TMEM132C: variants seen among roughly 807,000 people sequenced by gnomAD.
TMEM132C encodes the protein transmembrane protein 132C, also known as protein phosphatase 1, regulatory subunit 152.
TMEM132C carries 29 observed loss-of-function variants against 61.4 expected under a neutral mutation model. That is an observed-to-expected ratio of 0.47 (90% CI 0.35 to 0.64). TMEM132C has a LOEUF of 0.64. TMEM132C is among the 30% of genes least tolerant of loss of function. The pLI, the probability that TMEM132C is intolerant of heterozygous loss-of-function variation, is 0.00. For missense variants in TMEM132C, 1,408 were observed against 1,476.9 expected (o/e 0.95, Z 0.76); for synonymous variants, 656 against 633.1 (o/e 1.04, Z -0.54).
chr12:128,677,619 G>A (rs1200490201), intron 5 of TMEM132C, among the ~76,000 whole-genome samples: 2 of 152,094 alleles, frequency 1.3e-5, no homozygotes, highest in Non-Finnish European at 2.9e-5. Context: ...TAATGACACT[G>A]ACACACAATA....
intron 2 of TMEM132C, among the ~76,000 whole-genome samples, chr12:128,528,424 G>A (rs114489138): frequency 0.013 from 1,905 of 152,310 alleles, 39 homozygotes; most frequent in African/African-American, 0.043. Context: ...GGCTCACAGC[G>A]TCATAATCTC....
chr12:128,464,002 C>T (rs1049374557), intron 2 of TMEM132C, among the ~76,000 whole-genome samples: 1 of 152,176 alleles, frequency 6.6e-6, no homozygotes, highest in Non-Finnish European at 1.5e-5. Flanking sequence ...GCAGCTGGCC[C>T]TCCCCTAAAT....
chr12:128,327,389 TG>T (rs1872555460), intron 1 of TMEM132C, among the ~76,000 whole-genome samples: 4 of 149,032 alleles, frequency 2.7e-5, no homozygotes, highest in African/African-American at 1.0e-4. Context: ...TTTGTTTGTT[TG>T]TTTGTTTTTT....
At chr12:128,411,764 A>G (rs1291575295) in intron 1 of TMEM132C, among the ~76,000 whole-genome samples, 2 of 152,212 alleles carry the variant, frequency 1.3e-5, no homozygotes, top group South Asian at 2.1e-4. Flanking sequence ...ACATGCACAC[A>G]TACATATGTG....
At chr12:128,362,892 C>T (rs1873750264) in intron 1 of TMEM132C, among the ~76,000 whole-genome samples, 1 of 152,182 alleles carries the variant, frequency 6.6e-6, no homozygotes, top group African/African-American at 2.4e-5. Context: ...CACAAAGCCT[C>T]TGAAAATATG....
intron 4 of TMEM132C, among the ~76,000 whole-genome samples, chr12:128,669,183 A>G (rs1954505843): frequency 6.6e-6 from 1 of 152,206 alleles, no homozygotes; most frequent in Admixed American, 6.5e-5. Context: ...GTTGTTGAAA[A>G]CTAGAAATAT....
intron 3 of TMEM132C, among the ~76,000 whole-genome samples, chr12:128,614,159 A>G (rs754676693): frequency 6.6e-6 from 1 of 152,170 alleles, no homozygotes; most frequent in African/African-American, 2.4e-5. Flanking sequence ...TAGCGGTTCT[A>G]TTGATCAACA....
chr12:128,462,696 T>C (rs1870578520), intron 2 of TMEM132C, among the ~76,000 whole-genome samples: 1 of 152,050 alleles, frequency 6.6e-6, no homozygotes, highest in Non-Finnish European at 1.5e-5. Flanking sequence ...AGTCCCTAAA[T>C]CAGTAGTAGG....
chr12:128,577,952 C>T (rs1875180024), intron 3 of TMEM132C, among the ~76,000 whole-genome samples: 2 of 152,244 alleles, frequency 1.3e-5, no homozygotes, highest in South Asian at 4.1e-4. Flanking sequence ...TTTGCCATAT[C>T]CGCAGGTCAT....
intron 1 of TMEM132C, among the ~76,000 whole-genome samples, chr12:128,350,959 G>C (rs1873319429): frequency 6.6e-6 from 1 of 152,140 alleles, no homozygotes; most frequent in Non-Finnish European, 1.5e-5. Flanking sequence ...GACCCCAGCA[G>C]CTGTACTGAA....
rs566384238 is a variant in TMEM132C, at chr12:128,629,276, A to G, written c.1305+12941A>G. 2.4e-4 allele frequency among the ~76,000 whole-genome samples: 36 copies of G among 152,286 alleles called. No homozygotes were observed. The East Asian group carries it at 7.0e-3, about 29-fold the overall frequency. On this transcript the variant is annotated intron_variant, in intron 4 of 8. Transcript: ENST00000435159. ...ACGCCTATAATTCCAGCACTTCAGG[A>G]GGCCAAGATAGGAAGGTGGCTTGAG...
chr12:128,392,225 G>A (rs959628252), intron 1 of TMEM132C, among the ~76,000 whole-genome samples: 1 of 152,188 alleles, frequency 6.6e-6, no homozygotes, highest in African/African-American at 2.4e-5. Flanking sequence ...GGTTGTCACT[G>A]CCACTTCATT....
At chr12:128,353,071 C>G (rs1467086858) in intron 1 of TMEM132C, among the ~76,000 whole-genome samples, 4 of 152,046 alleles carry the variant, frequency 2.6e-5, no homozygotes, top group Non-Finnish European at 5.9e-5. Flanking sequence ...AAGATCTTCT[C>G]TAGCACTCAT....
At chr12:128,387,192 G>C (rs1005506838) in intron 1 of TMEM132C, among the ~76,000 whole-genome samples, 10 of 151,568 alleles carry the variant, frequency 6.6e-5, no homozygotes, top group African/African-American at 2.4e-4. Flanking sequence ...GGAATGCAGT[G>C]GGTTGTGCTG....
In TMEM132C at chr12:128,278,302, G is replaced by A. The variant is rs998615948; in HGVS notation, c.85+10815G>A. Among the ~76,000 whole-genome samples the A allele has an allele frequency of 4.6e-5, 7 of 152,124 alleles. No homozygotes were observed. The highest frequency in any genetic ancestry group is 1.4e-4 in the African/African-American group (6 of 41,422). On this transcript the variant is annotated intron_variant, in intron 1 of 8. Transcript: ENST00000435159. This position sits in a 1 kb window ranked among gnomAD's most constrained non-coding sequence, Gnocchi z 4.2. ...ACCTTTTGGGTCACGACACAGCCCC[G>A]GGTTACCATTTTCTTTATTTTCCAC...
rs139205112 is a variant in TMEM132C at position 128,293,158 on chromosome 12, A to C, written c.85+25671A>C. On this transcript the variant is annotated intron_variant, in intron 1 of 8. Transcript: ENST00000435159. Reference sequence around the variant, plus strand: ...TGAGGACAGAGGATCCTCTTTAAAAACTGGGTCCAAACTCCCTCTGGTCTC... The same window carrying C: ...TGAGGACAGAGGATCCTCTTTAAAACCTGGGTCCAAACTCCCTCTGGTCTC... Among the ~76,000 whole-genome samples, 1,035 of 152,174 alleles carry C rather than the reference A, an allele frequency of 6.8e-3. 7 individuals are homozygous for C. The highest frequency in any genetic ancestry group is 0.016 in the South Asian group (77 of 4,818).
intron 3 of TMEM132C, among the ~76,000 whole-genome samples, chr12:128,610,318 C>G (rs934492689): frequency 6.6e-6 from 1 of 152,138 alleles, no homozygotes; most frequent in Admixed American, 6.6e-5. Flanking sequence ...AGCTAAAATC[C>G]CTGACTCCCT....
chr12:128,696,967 C>A (rs1280886608), intron 7 of TMEM132C, among the ~76,000 whole-genome samples: 1 of 152,188 alleles, frequency 6.6e-6, no homozygotes, highest in Non-Finnish European at 1.5e-5. Flanking sequence ...GGGTCATTCC[C>A]TTTTAAAGAC....
At chr12:128,642,097 C>A (rs1432933575) in intron 4 of TMEM132C, among the ~76,000 whole-genome samples, 1 of 151,474 alleles carries the variant, frequency 6.6e-6, no homozygotes, top group Non-Finnish European at 1.5e-5. Context: ...GCCACCACGC[C>A]CAGCTTATTT....
Sources: gnomAD v4.1 joint callset for allele counts (sites outside exome capture counted in the v4.1 genomes callset) on GRCh38, gnomAD v4.1.1 for gene constraint, Gnocchi (gnomAD v3.1) non-coding constraint, MANE v1.5 for transcripts, NCBI Gene and HGNC (gene_info 2026-07-23, HGNC 2026-07-21) for gene names.